Variants in CFAP99 observed in about 807,000 individuals in gnomAD.
CFAP99 encodes cilia- and flagella-associated protein 99.
CFAP99 carries 84 observed loss-of-function variants against 82.7 expected under a neutral mutation model. The ratio of observed to expected loss-of-function variants is 1.02; its 90% confidence interval spans 0.85 to 1.22. CFAP99 has a LOEUF of 1.22. Among genes scored for constraint, CFAP99 ranks in the 50% most tolerant of loss-of-function variants. The pLI is 0.00. For missense variants in CFAP99, 1,059 were observed against 983.5 expected (o/e 1.08, Z -1.03); for synonymous variants, 456 against 429.5 (o/e 1.06, Z -0.76).
At chr4:2,438,989 G>A (rs1484524425) in intron 4 of CFAP99, among the ~76,000 whole-genome samples, 1 of 152,180 alleles carries the variant, frequency 6.6e-6, no homozygotes, top group Non-Finnish European at 1.5e-5. Flanking sequence ...GGCACCCCGA[G>A]GGGGAGCCTG....
At chr4:2,447,933 A>ATGGG (rs1734208359) in intron 6 of CFAP99, among the ~76,000 whole-genome samples, 1 of 7,636 alleles carries the variant, frequency 1.3e-4, no homozygotes, top group Non-Finnish European at 2.3e-4. Context: ...GGATGGGTGG[A>ATGGG]TGGATGGATG....
Position 2,462,789 on chromosome 4 carries a change from G to A in CFAP99, c.2008G>A (p.Asp670Asn), listed in dbSNP as rs2108739681. 7.8e-7 allele frequency: 1 copy of A among 1,287,864 alleles called. No individual in the cohort carries two copies. Among genetic ancestry groups the A allele is most frequent in the South Asian group, 2.3e-5 (1 of 42,780 alleles). 79.8% of individuals were successfully genotyped at this position (1,287,864 alleles called of 1,614,324 possible). The change falls in exon 15 of 15, where the codon GAC becomes AAC. Residue 670 changes from aspartate to asparagine, a missense_variant. Coordinates refer to ENST00000635017, the Ensembl canonical transcript of CFAP99. This position sits in a 1 kb window ranked among gnomAD's most constrained non-coding sequence, Gnocchi z 4.1. The stretch of plus-strand genomic sequence containing the variant: ...CGGTGGGGGCGTCCCTGCCCGCGCC[G>A]ACGCGTTCCCCGGCCTGCAGGCGCA...
chr4:2,459,739 T>G (rs894756124), intron 13 of CFAP99, among the ~76,000 whole-genome samples: 1 of 151,732 alleles, frequency 6.6e-6, no homozygotes, highest in Non-Finnish European at 1.5e-5. Context: ...CCATGGGGAG[T>G]GCAAACGGCT....
In CFAP99 at chr4:2,462,783, C is replaced by T. The variant is rs1160995747; in HGVS notation, c.2002C>T (p.Arg668Cys). ...GGGAGGCGGTGGGGGCGTCCCTGCCCGCGCCGACGCGTTCCCCGGCCTGCA... is the reference window on the plus strand; with the variant it reads ...GGGAGGCGGTGGGGGCGTCCCTGCCTGCGCCGACGCGTTCCCCGGCCTGCA... Residue 668 changes from arginine (R) to cysteine (C), a missense_variant, in exon 15 of 15, where the codon CGC becomes TGC. By Grantham distance (180) the Arg-to-Cys change is radical (BLOSUM62 -3). Transcript: ENST00000635017. The surrounding 1 kb of genome is among the most constrained non-coding windows in gnomAD (Gnocchi z 4.1). 1.2e-5 allele frequency: 15 copies of T among 1,278,168 alleles called. No homozygotes were observed. Among genetic ancestry groups the T allele is most frequent in the South Asian group, 4.9e-5 (2 of 41,090 alleles). The allele number at this position is 1,278,168 out of a possible 1,614,324, so 79.2% of individuals were successfully genotyped here.
chr4:2,456,501 A>AC (rs1163909960), intron 11 of CFAP99, among the ~76,000 whole-genome samples: 2 of 151,948 alleles, frequency 1.3e-5, no homozygotes, highest in Non-Finnish European at 2.9e-5. Flanking sequence ...ACATAGTGAG[A>AC]CCCCGCGTCT....
Position 2,438,083 on chromosome 4 carries a change from A to C in CFAP99, c.270A>C (p.Leu90=). 1.3e-6 allele frequency: 2 copies of C among 1,533,766 alleles called. 1 individual carries two copies. Among genetic ancestry groups the C allele is most frequent in the Non-Finnish European group, 1.7e-6 (2 of 1,145,066 alleles). The stretch of plus-strand genomic sequence containing the variant: ...CCTGTTTTCTAGTGATCTGCTACCT[A>C]GCCACATTCCTGCTGGAGGAACTCG... Residue 90 remains leucine (L), a synonymous_variant, in exon 4 of 15, where the codon CTA becomes CTC. Coordinates refer to ENST00000635017, the Ensembl canonical transcript of CFAP99.
exon 14 of CFAP99, chr4:2,460,187 A>G (rs1444816238): frequency 3.3e-6 from 5 of 1,536,126 alleles, no homozygotes; most frequent in South Asian, 1.2e-5. Context: ...ACTGCAGAAC[A>G]TGGTGGAGCA....
intron 4 of CFAP99, 110 bp downstream of exon 4, chr4:2,438,274 T>C: frequency 1.4e-6 from 1 of 723,482 alleles, no homozygotes; most frequent in East Asian, 2.8e-5. Flanking sequence ...GTTTGTTTGT[T>C]TGTTTTGAGA....
chr4:2,449,094 G>T (rs1385467866), intron 6 of CFAP99, among the ~76,000 whole-genome samples: 1 of 152,056 alleles, frequency 6.6e-6, no homozygotes, highest in African/African-American at 2.4e-5. Flanking sequence ...GAGTTAGGAG[G>T]GTAATACAGC....
intron 1 of CFAP99, among the ~76,000 whole-genome samples, chr4:2,421,915 G>C (rs1021084730): frequency 6.6e-6 from 1 of 151,932 alleles, no homozygotes; most frequent in African/African-American, 2.4e-5. Context: ...AAATTAGTCG[G>C]GCGTGGTAGT....
In CFAP99 at chr4:2,443,159, C is replaced by A; in HGVS notation, c.381C>A (p.His127Gln). The change falls in exon 5 of 15, where the codon CAC becomes CAA. Residue 127 changes from histidine to glutamine, a missense_variant. His to Gln is a conservative substitution (Grantham distance 24). Coordinates refer to ENST00000635017, the Ensembl canonical transcript of CFAP99. Reference sequence around the variant, plus strand: ...TCAGGTTCTTCTTCAACCCCCTGCACCTGTGCTCATGGATCAAGGATGAGT... The same window carrying A: ...TCAGGTTCTTCTTCAACCCCCTGCAACTGTGCTCATGGATCAAGGATGAGT... The A allele has an allele frequency of 3.3e-6, 5 of 1,534,574 alleles. No homozygotes were observed. The South Asian group carries it at 5.9e-5, about 18-fold the overall frequency.
chr4:2,441,701 C>T (rs1734045260), intron 4 of CFAP99, among the ~76,000 whole-genome samples: 1 of 152,246 alleles, frequency 6.6e-6, no homozygotes, highest in Non-Finnish European at 1.5e-5. Context: ...TCCCACACCC[C>T]ATGCCCCGCT....
At chr4:2,443,382 T>C (rs1734095784) in intron 5 of CFAP99, 140 bp downstream of exon 5, 7 of 637,420 alleles carry the variant, frequency 1.1e-5, no homozygotes, top group South Asian at 1.1e-4. Context: ...CGTGTTCGGA[T>C]GAGATCTTCG....
At chr4:2,437,132 C>T in intron 3 of CFAP99, 114 bp downstream of exon 3, 1 of 1,284,782 alleles carries the variant, frequency 7.8e-7, no homozygotes, top group African/African-American at 1.5e-5. Flanking sequence ...CTCCTTCCTG[C>T]CCTTGCACTG....
chr4:2,453,906 C>T (rs756772569), intron 11 of CFAP99, among the ~76,000 whole-genome samples: 5 of 151,140 alleles, frequency 3.3e-5, no homozygotes, highest in African/African-American at 9.7e-5. Context: ...TTCCGCCTCC[C>T]GGGTTCAAGT....
intron 11 of CFAP99, among the ~76,000 whole-genome samples, chr4:2,455,023 C>A (rs1211615737): frequency 6.6e-6 from 1 of 152,144 alleles, no homozygotes; most frequent in East Asian, 1.9e-4. Flanking sequence ...AGGCTCAAAC[C>A]ATCCTCCCAT....
At chr4:2,429,228 G>A (rs1046205581) in intron 2 of CFAP99, 3 of 152,200 alleles carry the variant, frequency 2.0e-5, no homozygotes, top group Non-Finnish European at 2.9e-5. Flanking sequence ...CAGGGAAAGG[G>A]GTGTGTGTTT....
chr4:2,453,429 G>C (rs989416925), intron 11 of CFAP99, among the ~76,000 whole-genome samples: 1 of 152,154 alleles, frequency 6.6e-6, no homozygotes, highest in Non-Finnish European at 1.5e-5. Context: ...CGTTTGGGAC[G>C]CGTGGTTTTA....
chr4:2,425,238 C>A (rs1733659914), intron 1 of CFAP99, among the ~76,000 whole-genome samples: 1 of 152,114 alleles, frequency 6.6e-6, no homozygotes, highest in African/African-American at 2.4e-5. Flanking sequence ...TCTCCTGGTT[C>A]TTTTCTTATG....
Sources: gnomAD v4.1 joint callset for allele counts (sites outside exome capture counted in the v4.1 genomes callset) on GRCh38, gnomAD v4.1.1 for gene constraint, Gnocchi (gnomAD v3.1) non-coding constraint, MANE v1.5 for transcripts, NCBI Gene and HGNC (gene_info 2026-07-23, HGNC 2026-07-21) for gene names.